Variants in NCSTN observed in about 807,000 individuals in gnomAD.
The protein encoded by NCSTN is anterior pharynx-defective 2.
In NCSTN, 22 loss-of-function variants were observed where a neutral mutation model predicts 87.0. That is an observed-to-expected ratio of 0.25 (90% CI 0.18 to 0.36). The LOEUF is 0.36. Ranked by LOEUF, NCSTN falls within the 10% of genes least tolerant of loss-of-function variation. The probability of loss-of-function intolerance (pLI) is 1.00; values close to 1 mark genes in which losing one functional copy is unlikely to be tolerated. For synonymous variants in NCSTN, 306 were observed against 327.1 expected (o/e 0.94, Z 0.69); for missense variants, 693 against 883.3 (o/e 0.78, Z 2.73).
intron 1 of NCSTN, chr1:160,343,900 ATT>A (rs1648274564): frequency 1.1e-5 from 3 of 281,180 alleles, no homozygotes; most frequent in Non-Finnish European, 2.2e-5. Context: ...TGGATTTCTT[ATT>A]TCTTCCTCTG....
intron 6 of NCSTN, 149 bp from the exon 7 acceptor site, chr1:160,351,547 A>G (rs897201562): frequency 1.6e-6 from 2 of 1,232,656 alleles, no homozygotes; most frequent in East Asian, 2.3e-5. Context: ...CCTAAAGTGG[A>G]TAGTGGCAGA....
At chr1:160,346,410 C>T (rs893875232) in intron 2 of NCSTN, among the ~76,000 whole-genome samples, 2 of 152,166 alleles carry the variant, frequency 1.3e-5, no homozygotes, top group Admixed American at 6.5e-5. Context: ...TTCCTGAAGC[C>T]TTCTTCCCAT....
rs200634807 is a variant in NCSTN, at chr1:160,354,137, C to T, written c.1199C>T (p.Thr400Ile). ...CCCCAGGTGGAGGATCTCCTGGCCA[C>T]ATTGGAGAAGAGTGGTGCTGGTGTC... ...VRNQVEDLLA[T>I]LEKSGAGVPA... The change falls in exon 11 of 17, where the codon ACA becomes ATA. Residue 400 changes from threonine to isoleucine, a missense_variant. By Grantham distance (89) the Thr-to-Ile change is moderately conservative. This residue lies in a region of NCSTN where 108 missense variants were observed against 111.6 expected (regional missense o/e 0.97). Coordinates refer to ENST00000294785, the MANE Select transcript of NCSTN (RefSeq NM_015331.3). 133 of 1,614,156 alleles carry T rather than the reference C, an allele frequency of 8.2e-5. 1 individual carries two copies. The highest frequency in any genetic ancestry group is 7.2e-5 in the Non-Finnish European group (85 of 1,180,016).
In NCSTN at chr1:160,351,217, T is replaced by C; in HGVS notation, c.583-5T>C. 6.2e-7 allele frequency: 1 copy of C among 1,614,086 alleles called. No individual in the cohort carries two copies. The highest frequency in any genetic ancestry group is 8.5e-7 in the Non-Finnish European group (1 of 1,180,008). On this transcript the variant is annotated splice_region_variant and splice_polypyrimidine_tract_variant and intron_variant, in intron 5 of 16. Transcript: ENST00000294785. ...TGTCTCAGTGGGGTCCATCTCCCCT[T>C]TCAGTGCTATCAAGATCACAACCTG...
chr1:160,356,123 G>A (rs924307901), intron 13 of NCSTN, 137 bp from the exon 14 acceptor site: 1 of 1,015,500 alleles, frequency 9.8e-7, no homozygotes, highest in Non-Finnish European at 1.5e-6. Flanking sequence ...TGCATCTTAT[G>A]AGCCAGCTAC....
chr1:160,355,423 C>T (rs1025572119), intron 11 of NCSTN, among the ~76,000 whole-genome samples: 3 of 152,194 alleles, frequency 2.0e-5, no homozygotes, highest in Non-Finnish European at 4.4e-5. Context: ...GCTCATTCAG[C>T]TTTTCTACCT....
At chr1:160,349,953 G>C (rs1473796671) in intron 4 of NCSTN, 152 bp from the exon 5 acceptor site, 1 of 1,018,286 alleles carries the variant, frequency 9.8e-7, no homozygotes, top group Non-Finnish European at 1.5e-6. Flanking sequence ...CTATTTTAGT[G>C]TGGATGGTAA....
At chr1:160,343,792 G>A (rs372348814) in intron 1 of NCSTN, 4 of 623,698 alleles carry the variant, frequency 6.4e-6, no homozygotes, top group South Asian at 6.1e-5. Context: ...CCCCACAGTC[G>A]AAAGGAACAG....
rs200575309 is a variant in NCSTN at position 160,358,771 on chromosome 1, C to T, written c.*500C>T. 8 of 180,864 alleles carry T rather than the reference C, an allele frequency of 4.4e-5. No homozygotes were observed. The highest frequency in any genetic ancestry group is 8.3e-5 in the Non-Finnish European group (7 of 84,436). 11.2% of individuals were successfully genotyped at this position (180,864 alleles called of 1,614,324 possible). ...TGTCTCCTTCCCACTGTCCTTTCTC[C>T]AGGCCCTCAGATGGCACATTAGGGT... On this transcript the variant is annotated 3_prime_UTR_variant, in exon 17 of 17. Coordinates refer to ENST00000294785, the MANE Select transcript of NCSTN (RefSeq NM_015331.3).
At chr1:160,347,081 T>C (rs1414852714) in intron 2 of NCSTN, among the ~76,000 whole-genome samples, 1 of 152,244 alleles carries the variant, frequency 6.6e-6, no homozygotes, top group Non-Finnish European at 1.5e-5. Context: ...TTCTACTCTA[T>C]GTTCTTAAAA....
At chr1:160,351,030 T>G (rs1648806716) in intron 5 of NCSTN, among the ~76,000 whole-genome samples, 192 bp from the exon 6 acceptor site, 1 of 152,222 alleles carries the variant, frequency 6.6e-6, no homozygotes, top group African/African-American at 2.4e-5. Context: ...CCTTTGTAAC[T>G]CTTGATGAGT....
Position 160,357,097 on chromosome 1 carries a change from C to T in NCSTN, c.1851C>T (p.Leu617=), listed in dbSNP as rs1457839318. The change falls in exon 16 of 17, where the codon CTC becomes CTT. Residue 617 remains leucine (L), a synonymous_variant. Coordinates refer to ENST00000294785, the MANE Select transcript of NCSTN (RefSeq NM_015331.3). The part of the protein sequence containing the change: ...GPLHSNETDR[L]PRCVRSTARL... ...TGCATTCTAATGAGACGGACCGACT[C>T]CCCCGGTGTGTGCGTTCTACTGCAC... 1 of 1,614,062 alleles carries T rather than the reference C, an allele frequency of 6.2e-7. No individual in the cohort carries two copies. Among genetic ancestry groups the T allele is most frequent in the Admixed American group, 1.7e-5 (1 of 60,002 alleles).
intron 1 of NCSTN, among the ~76,000 whole-genome samples, chr1:160,344,059 AT>A (rs1022052745): frequency 4.0e-5 from 6 of 148,904 alleles, no homozygotes; most frequent in Non-Finnish European, 8.9e-5. Flanking sequence ...AACTTTTGGC[AT>A]TTATAATGTA....
chr1:160,353,020 T>G, intron 9 of NCSTN, 29 bp downstream of exon 9: 1 of 1,598,812 alleles, frequency 6.3e-7, no homozygotes, highest in Non-Finnish European at 8.6e-7. Flanking sequence ...AGCCCCTTCC[T>G]TTTTAATTAA....
rs1267124960 is a variant in NCSTN at position 160,352,230 on chromosome 1, C to A, written c.996+24C>A. On this transcript the variant is annotated intron_variant, in intron 8 of 16. Transcript: ENST00000294785. ...GGGTAAGGGCTCTTTGGCTGGGGTG[C>A]AATGGCAGGGAAGAAAGAGGATAGT... 4 of 1,613,600 alleles carry A rather than the reference C, an allele frequency of 2.5e-6. No individual in the cohort carries two copies. The Admixed American group carries it at 5.0e-5, about 20-fold the overall frequency.
chr1:160,348,918 T>C, intron 2 of NCSTN, 81 bp from the exon 3 acceptor site: 2 of 1,585,200 alleles, frequency 1.3e-6, no homozygotes, highest in Non-Finnish European at 1.7e-6. Flanking sequence ...CTTTAGGGGA[T>C]AAAAGATACG....
At chr1:160,345,765 C>CA (rs1648446720) in intron 2 of NCSTN, among the ~76,000 whole-genome samples, 1 of 150,792 alleles carries the variant, frequency 6.6e-6, no homozygotes, top group Non-Finnish European at 1.5e-5. Flanking sequence ...GAAACCCCCC[C>CA]ATCTCTACTA....
chr1:160,349,352 C>A, intron 3 of NCSTN, 197 bp from the exon 4 acceptor site: 1 of 946,560 alleles, frequency 1.1e-6, no homozygotes, highest in Non-Finnish European at 1.7e-6. Flanking sequence ...CCCCTCCCTC[C>A]CTGGGGTCCT....
chr1:160,355,774 C>T lies in NCSTN; in HGVS notation c.1455+17C>T. 1 of 1,609,660 alleles carries T rather than the reference C, an allele frequency of 6.2e-7. No homozygotes were observed. The highest frequency in any genetic ancestry group is 2.2e-5 in the East Asian group (1 of 44,864). On this transcript the variant is annotated intron_variant, in intron 12 of 16. Transcript: ENST00000294785. ...ACTGCCAAGGTAGCACTGAGCCAGG[C>T]TGGGTGGGAGCCTGGGGCACACAGT...
Sources: gnomAD v4.1 joint callset for allele counts (sites outside exome capture counted in the v4.1 genomes callset) on GRCh38, gnomAD v4.1.1 for gene constraint, gnomAD v4.1.1 regional missense constraint, MANE v1.5 for transcripts, NCBI Gene and HGNC (gene_info 2026-07-23, HGNC 2026-07-21) for gene names.